CHRNB3: variants seen among roughly 807,000 people sequenced by gnomAD.
CHRNB3 encodes cholinergic receptor nicotinic beta 3 subunit, also known as neuronal acetylcholine receptor subunit beta-3.
A neutral mutation model predicts 40.6 loss-of-function variants in CHRNB3; 37 were observed. The observed-to-expected ratio is 0.91, with a 90% CI of 0.70 to 1.20. The LOEUF is 1.20. CHRNB3 is among the 50% of genes most tolerant of loss of function. The probability of loss-of-function intolerance (pLI) is 0.00; values close to 1 mark genes in which losing one functional copy is unlikely to be tolerated. For missense variants in CHRNB3, 505 were observed against 551.2 expected, an observed-to-expected ratio of 0.92 and a Z score of 0.84; for synonymous variants, 207 against 207.1, an observed-to-expected ratio of 1.00 and a Z score of 0.00.
chr8:42,725,003 C>G (rs1253078691), intron 3 of CHRNB3, among the ~76,000 whole-genome samples: 6 of 151,770 alleles, frequency 4.0e-5, no homozygotes, highest in Non-Finnish European at 7.4e-5. Context: ...AAAAAGAAAA[C>G]ACTGGAATTT....
chr8:42,704,384 T>A (rs1330671124), intron 1 of CHRNB3: 2 of 152,112 alleles, frequency 1.3e-5, no homozygotes, highest in African/African-American at 2.4e-5. Context: ...GTAACACAGG[T>A]GGAGATGTAT....
At chr8:42,718,036 G>A (rs773345913) in intron 3 of CHRNB3, among the ~76,000 whole-genome samples, 2 of 150,526 alleles carry the variant, frequency 1.3e-5, no homozygotes, top group Non-Finnish European at 2.9e-5. Flanking sequence ...TCGCCATGTT[G>A]GCTAGGCTGG....
At chr8:42,701,685 C>T (rs1815805365) in intron 1 of CHRNB3, among the ~76,000 whole-genome samples, 1 of 152,228 alleles carries the variant, frequency 6.6e-6, no homozygotes. Context: ...CCCCAACCCC[C>T]TCACAGAGGT....
At chr8:42,725,952 G>A (rs777990594) in intron 3 of CHRNB3, 449 of 1,078,312 alleles carry the variant, frequency 4.2e-4, no homozygotes, top group Non-Finnish European at 6.0e-4. Flanking sequence ...CAATCCTTTC[G>A]ATGCGTACAA....
intron 3 of CHRNB3, among the ~76,000 whole-genome samples, chr8:42,716,257 G>A (rs1317095500): frequency 6.6e-6 from 1 of 152,058 alleles, no homozygotes; most frequent in Non-Finnish European, 1.5e-5. Context: ...GATTACAGGC[G>A]TGAGCCACTG....
chr8:42,709,344 C>T (rs1365614311), intron 2 of CHRNB3, among the ~76,000 whole-genome samples: 1 of 152,200 alleles, frequency 6.6e-6, no homozygotes, highest in Non-Finnish European at 1.5e-5. Context: ...TCTGAACTCA[C>T]CCATGCCTTC....
chr8:42,722,035 C>G (rs1472449597), intron 3 of CHRNB3: 1 of 152,092 alleles, frequency 6.6e-6, no homozygotes, highest in Admixed American at 6.5e-5. Context: ...AGACATAGCA[C>G]GTGTCCTTTT....
intron 3 of CHRNB3, among the ~76,000 whole-genome samples, chr8:42,720,447 A>C (rs1329648832): frequency 1.3e-5 from 2 of 151,978 alleles, no homozygotes; most frequent in Non-Finnish European, 2.9e-5. Context: ...TGTTTAGTCT[A>C]AATGTCGTCT....
In CHRNB3 at chr8:42,708,629, G is replaced by A. The variant is rs1815959494; in HGVS notation, c.53-88G>A. The A allele has an allele frequency of 2.8e-6, 4 of 1,436,418 alleles. No homozygotes were observed. In the East Asian group the frequency reaches 6.8e-5, roughly 25 times the overall value. The allele number at this position is 1,436,418 out of a possible 1,614,324, so 89.0% of individuals were successfully genotyped here. A position where few individuals can be genotyped will look rare whatever the true frequency, so the allele number is the denominator to read the frequency against. ...AGAAACAGACACAGCCTATGGTGCA[G>A]GAGGCCAAGGCCACAGGAGCCATGG... On this transcript the variant is annotated intron_variant, in intron 1 of 5. Coordinates refer to ENST00000289957, the MANE Select transcript of CHRNB3 (RefSeq NM_000749.5).
At position 42,724,546 on chromosome 8, in the gene CHRNB3, G is replaced by A. The variant is rs116992995; in HGVS notation, c.250-6048G>A. 1.6e-3 allele frequency among the ~76,000 whole-genome samples: 245 copies of A among 152,214 alleles called. 4 individuals are homozygous for A. In the East Asian group the frequency reaches 0.041, roughly 26 times the overall value. On this transcript the variant is annotated intron_variant, in intron 3 of 5. Transcript: ENST00000289957. ...TCCCTGGGGTTGGTCGACTGCTACA[G>A]GAGTCTTAGGGAGCCTTGGACAAAT...
chr8:42,707,390 C>G (rs534352407), intron 1 of CHRNB3, among the ~76,000 whole-genome samples: 4 of 152,290 alleles, frequency 2.6e-5, no homozygotes, highest in South Asian at 2.1e-4. Context: ...AAAAGGTTTT[C>G]TATGGTCAGG....
Position 42,731,793 on chromosome 8 carries a change from C to A in CHRNB3, c.486C>A (p.Phe162Leu). ...CCATGGACGTCACGTTTTTCCCGTT[C>A]GACCGACAGAACTGCTCCATGAAGT... ...SCTMDVTFFPFDRQNCSMKFG... is the reference protein window; with the variant it reads ...SCTMDVTFFPLDRQNCSMKFG... Residue 162 changes from phenylalanine (F) to leucine (L), a missense_variant, in exon 5 of 6, where the codon TTC (phenylalanine) becomes TTA (leucine). Coordinates refer to ENST00000289957, the MANE Select transcript of CHRNB3 (RefSeq NM_000749.5). 6.2e-7 allele frequency: 1 copy of A among 1,613,988 alleles called. No individual in the cohort carries two copies. Among genetic ancestry groups the A allele is most frequent in the East Asian group, 2.2e-5 (1 of 44,876 alleles).
chr8:42,722,698 A>G (rs1029811846), intron 3 of CHRNB3, among the ~76,000 whole-genome samples: 6 of 152,134 alleles, frequency 3.9e-5, no homozygotes, highest in Non-Finnish European at 8.8e-5. Flanking sequence ...AGTAGTTGGG[A>G]CCACAGACAC....
intron 4 of CHRNB3, among the ~76,000 whole-genome samples, chr8:42,730,996 C>T (rs903397012): frequency 7.2e-6 from 1 of 139,650 alleles, no homozygotes; most frequent in Non-Finnish European, 1.5e-5. Context: ...TGCAGTGAGC[C>T]GAGATTGCGC....
intron 2 of CHRNB3, among the ~76,000 whole-genome samples, chr8:42,710,104 T>A (rs776773828): frequency 6.6e-6 from 1 of 152,244 alleles, no homozygotes; most frequent in Non-Finnish European, 1.5e-5. Context: ...AAATTGAGAA[T>A]CTTTTGCACT....
At chr8:42,719,075 T>C (rs1816175004) in intron 3 of CHRNB3, among the ~76,000 whole-genome samples, 1 of 152,130 alleles carries the variant, frequency 6.6e-6, no homozygotes, top group South Asian at 2.1e-4. Flanking sequence ...GAACACACTA[T>C]GCAAACATGG....
intron 3 of CHRNB3, among the ~76,000 whole-genome samples, chr8:42,729,032 C>T (rs960638521): frequency 1.3e-5 from 2 of 151,948 alleles, no homozygotes; most frequent in Non-Finnish European, 2.9e-5. Flanking sequence ...AAAGAGAAGC[C>T]CATGAGCACC....
chr8:42,699,518 G>C (rs1333248620), intron 1 of CHRNB3: 1 of 152,144 alleles, frequency 6.6e-6, no homozygotes, highest in Non-Finnish European at 1.5e-5. Context: ...CAACACTTTG[G>C]GAGGCCAAGG....
intron 3 of CHRNB3, among the ~76,000 whole-genome samples, chr8:42,719,478 T>C (rs74606043): frequency 0.057 from 8,704 of 152,152 alleles, 331 homozygotes; most frequent in Middle Eastern, 0.1. Context: ...GTCCCCTGTC[T>C]GTACAAAAAA....
Sources: allele counts gnomAD v4.1 joint callset (sites outside exome capture counted in the v4.1 genomes callset), GRCh38; gene constraint gnomAD v4.1.1; transcripts MANE v1.5; gene names NCBI Gene and HGNC (gene_info 2026-07-23, HGNC 2026-07-21).